The following PTPRK variants were observed in gnomAD, a reference collection of about 807,000 sequenced individuals.
PTPRK encodes the protein receptor-type tyrosine-protein phosphatase kappa.
Under a neutral mutation model 178.0 loss-of-function variants are expected in PTPRK, and 75 were observed. The observed-to-expected ratio is 0.42, with a 90% CI of 0.35 to 0.51. The LOEUF is 0.51. Among genes scored for constraint, PTPRK ranks in the 20% least tolerant of loss-of-function variants. The pLI is 0.02. For synonymous variants in PTPRK, 637 were observed against 620.6 expected (o/e 1.03, Z -0.39); for missense variants, 1,441 against 1,797.8 (o/e 0.80, Z 3.59).
intron 13 of PTPRK, among the ~76,000 whole-genome samples, chr6:128,012,292 C>T (rs557875025): frequency 2.3e-4 from 34 of 151,072 alleles, no homozygotes; most frequent in African/African-American, 6.8e-4. Context: ...TTGCTATAAC[C>T]GAGGAACATA....
At chr6:128,183,129 G>A (rs1435440722) in intron 7 of PTPRK, among the ~76,000 whole-genome samples, 2 of 152,062 alleles carry the variant, frequency 1.3e-5, no homozygotes, top group African/African-American at 4.8e-5. Context: ...ACATTAGCAT[G>A]GGATATTAAT....
chr6:128,204,980 C>CTATTCGCAATAGCAAAGA (rs776696503), intron 6 of PTPRK, among the ~76,000 whole-genome samples: 35 of 152,102 alleles, frequency 2.3e-4, no homozygotes, highest in Non-Finnish European at 4.6e-4. Flanking sequence ...CATTGCAGCA[C>CTATTCGCAATAGCAAAGA]TATTCGCAAT....
At chr6:128,324,134 C>T (rs1386992278) in intron 2 of PTPRK, among the ~76,000 whole-genome samples, 2 of 152,142 alleles carry the variant, frequency 1.3e-5, no homozygotes, top group Non-Finnish European at 2.9e-5. Flanking sequence ...TGGGCCTCAG[C>T]ATCTTCACAA....
At chr6:128,206,476 C>A (rs1274590768) in intron 6 of PTPRK, among the ~76,000 whole-genome samples, 1 of 142,906 alleles carries the variant, frequency 7.0e-6, no homozygotes, top group Non-Finnish European at 1.5e-5. Context: ...GCACTGGTAA[C>A]AACAAAACAC....
intron 21 of PTPRK, among the ~76,000 whole-genome samples, chr6:127,986,642 C>A (rs904275366): frequency 6.6e-6 from 1 of 151,884 alleles, no homozygotes; most frequent in Admixed American, 6.6e-5. Context: ...TGAAATATTG[C>A]CGAATTTATT....
rs190480688 is a variant in PTPRK at position 128,146,832 on chromosome 6, G to A, written c.1162+37600C>T. ...AATATCACATAAGACACCATGTCAAGGTACAAAATTAATACTTTAAAATCA... is the reference window on the plus strand; with the variant it reads ...AATATCACATAAGACACCATGTCAAAGTACAAAATTAATACTTTAAAATCA... On this transcript the variant is annotated intron_variant, in intron 7 of 29. Transcript: ENST00000368226. Among the ~76,000 whole-genome samples, 399 of 152,098 alleles carry A rather than the reference G, an allele frequency of 2.6e-3. 1 individual carries two copies. Among genetic ancestry groups the A allele is most frequent in the African/African-American group, 9.2e-3 (381 of 41,494 alleles).
chr6:128,290,238 G>A (rs1823164564), intron 3 of PTPRK, among the ~76,000 whole-genome samples: 1 of 152,020 alleles, frequency 6.6e-6, no homozygotes, highest in South Asian at 2.1e-4. Context: ...AAAGAAAAAT[G>A]TTTACGCATT....
chr6:127,976,868 T>C (rs761366618), intron 26 of PTPRK, 55 bp downstream of exon 26: 28 of 1,610,796 alleles, frequency 1.7e-5, no homozygotes, highest in Non-Finnish European at 2.2e-5. Context: ...TAGCAATTCA[T>C]TACTACTCTA....
At chr6:128,351,375 A>G (rs1833109390) in intron 2 of PTPRK, among the ~76,000 whole-genome samples, 1 of 152,212 alleles carries the variant, frequency 6.6e-6, no homozygotes, top group African/African-American at 2.4e-5. Context: ...AGAGAGAGAA[A>G]ATCATCACTA....
chr6:128,031,361 G>A (rs1445791931), intron 13 of PTPRK, among the ~76,000 whole-genome samples: 1 of 152,120 alleles, frequency 6.6e-6, no homozygotes, highest in Non-Finnish European at 1.5e-5. Flanking sequence ...CCCATCCTCT[G>A]GCACTTTGCA....
chr6:128,183,820 C>T (rs962554901), intron 7 of PTPRK, among the ~76,000 whole-genome samples: 1 of 152,012 alleles, frequency 6.6e-6, no homozygotes, highest in Admixed American at 6.6e-5. Flanking sequence ...TGTGTTTTCT[C>T]CATACACTAT....
chr6:128,461,748 T>A (rs1849078655), intron 1 of PTPRK, among the ~76,000 whole-genome samples: 2 of 152,182 alleles, frequency 1.3e-5, no homozygotes, highest in South Asian at 4.1e-4. Flanking sequence ...CTACTAGCAG[T>A]CATTCCTCAC....
chr6:128,317,084 T>C (rs1828109481), intron 3 of PTPRK, among the ~76,000 whole-genome samples: 1 of 152,190 alleles, frequency 6.6e-6, no homozygotes, highest in South Asian at 2.1e-4. Flanking sequence ...AGGTAAATCC[T>C]GTTGCCGTAA....
In PTPRK at chr6:128,520,342, G is replaced by T; in HGVS notation, c.17C>A (p.Ala6Glu). 6.2e-7 allele frequency: 1 copy of T among 1,608,672 alleles called. No homozygotes were observed. Among genetic ancestry groups the T allele is most frequent in the Non-Finnish European group, 8.5e-7 (1 of 1,177,438 alleles). The change falls in exon 1 of 30, where the codon GCG becomes GAG. Residue 6 changes from alanine (A) to glutamate (E), a missense_variant. Ala to Glu is a moderately radical substitution (Grantham distance 107). Around this residue, in one of 4 missense-constraint regions of PTPRK, gnomAD observed 158 missense variants for 188.0 expected, o/e 0.84. Coordinates refer to ENST00000368226, the MANE Select transcript of PTPRK (RefSeq NM_002844.4). Reference sequence around the variant, plus strand: ...CGCCACAAAAGCAGGCAGCGCCGCCGCCGCAGTCGTATCCATGCCGAGTTT... The same window carrying T: ...CGCCACAAAAGCAGGCAGCGCCGCCTCCGCAGTCGTATCCATGCCGAGTTT... MDTTA[A>E]AALPAFVALL...
chr6:128,125,463 A>T (rs1208894136), intron 7 of PTPRK, among the ~76,000 whole-genome samples: 1 of 152,088 alleles, frequency 6.6e-6, no homozygotes. Flanking sequence ...CCTCCCCAAA[A>T]GCAGAAGCCA....
chr6:128,426,238 G>A (rs750737542), intron 1 of PTPRK, among the ~76,000 whole-genome samples: 12 of 152,206 alleles, frequency 7.9e-5, no homozygotes, highest in Admixed American at 4.6e-4. Context: ...CCTCCAATGC[G>A]TATTAGTATT....
At chr6:128,124,797 A>G (rs1472093811) in intron 7 of PTPRK, among the ~76,000 whole-genome samples, 1 of 152,172 alleles carries the variant, frequency 6.6e-6, no homozygotes, top group Non-Finnish European at 1.5e-5. Context: ...CTCCGGGAGG[A>G]AAAAAGAAAT....
At position 128,243,488 on chromosome 6, in the gene PTPRK, TAAAAAAA is replaced by T. The variant is rs760606919; in HGVS notation, c.496-893_496-887del. Among the ~76,000 whole-genome samples, 19 of 59,138 alleles carry T rather than the reference TAAAAAAA, an allele frequency of 3.2e-4. 1 individual carries two copies. Among genetic ancestry groups the T allele is most frequent in the Admixed American group, 1.8e-3 (8 of 4,396 alleles). The allele number at this position is 59,138 out of a possible 152,430, so 38.8% of individuals were successfully genotyped here. A position where few individuals can be genotyped will look rare whatever the true frequency, so the allele number is the denominator to read the frequency against. The stretch of plus-strand genomic sequence containing the variant: ...AGGGAACACAGTGAGAGCCTGTCGC[TAAAAAAA>T]AAAAAAAAAAAAAAAAAAGAAAAGA... On this transcript the variant is annotated intron_variant, in intron 3 of 29. Coordinates refer to ENST00000368226, the MANE Select transcript of PTPRK (RefSeq NM_002844.4).
At chr6:128,042,073 C>A (rs1019906050) in intron 13 of PTPRK, among the ~76,000 whole-genome samples, 2 of 151,956 alleles carry the variant, frequency 1.3e-5, no homozygotes, top group African/African-American at 4.8e-5. Flanking sequence ...TCCAATATGT[C>A]CTTTATTTTC....
Sources: allele counts gnomAD v4.1 joint callset (sites outside exome capture counted in the v4.1 genomes callset), GRCh38; gene constraint gnomAD v4.1.1; regional missense constraint gnomAD v4.1.1; transcripts MANE v1.5; gene names NCBI Gene and HGNC (gene_info 2026-07-23, HGNC 2026-07-21).